The following SMAP1 variants were observed in gnomAD, a reference collection of about 807,000 sequenced individuals.
SMAP1 encodes the protein small ArfGAP 1, also known as stromal membrane-associated protein 1.
A neutral mutation model predicts 58.5 loss-of-function variants in SMAP1; 24 were observed. The ratio of observed to expected loss-of-function variants is 0.41; its 90% confidence interval spans 0.30 to 0.58. The LOEUF is 0.58. SMAP1 is among the 20% of genes least tolerant of loss of function. SMAP1 has a pLI of 0.29. For missense variants in SMAP1, 563 were observed against 566.3 expected, an observed-to-expected ratio of 0.99 and a Z score of 0.06; for synonymous variants, 216 against 196.6, an observed-to-expected ratio of 1.10 and a Z score of -0.82.
chr6:70,839,099 T>C lies in SMAP1; in HGVS notation c.664+2071T>C, dbSNP rs538648276. On this transcript the variant is annotated intron_variant, in intron 7 of 10. Transcript: ENST00000370455. The stretch of plus-strand genomic sequence containing the variant: ...AGATACTCCATTATTGTTGGAATAA[T>C]ACTGCATAGTAAATAAGCCTCAGGT... 2.6e-5 allele frequency among the ~76,000 whole-genome samples: 4 copies of C among 152,252 alleles called. No individual in the cohort carries two copies. In the South Asian group the frequency reaches 8.3e-4, roughly 32 times the overall value.
chr6:70,795,408 G>A (rs1768562308), intron 5 of SMAP1, among the ~76,000 whole-genome samples: 1 of 152,168 alleles, frequency 6.6e-6, no homozygotes, highest in African/African-American at 2.4e-5. Flanking sequence ...TCTGGAGGCT[G>A]GAAAGACAAA....
chr6:70,856,521 A>T (rs569312324), intron 8 of SMAP1, among the ~76,000 whole-genome samples: 1 of 152,368 alleles, frequency 6.6e-6, no homozygotes, highest in South Asian at 2.1e-4. Flanking sequence ...TTGAAGCAGT[A>T]GTTGCTATGG....
At chr6:70,758,425 A>G (rs995726560) in intron 3 of SMAP1, among the ~76,000 whole-genome samples, 1 of 150,274 alleles carries the variant, frequency 6.7e-6, no homozygotes, top group African/African-American at 2.4e-5. Flanking sequence ...ATGCTAGATG[A>G]CGAGTTAGTG....
intron 7 of SMAP1, among the ~76,000 whole-genome samples, chr6:70,845,069 AGAAG>A (rs1232474343): frequency 7.9e-5 from 12 of 152,216 alleles, no homozygotes; most frequent in Non-Finnish European, 1.6e-4. Flanking sequence ...TACTACAGGT[AGAAG>A]GTTCATGCTC....
intron 4 of SMAP1, among the ~76,000 whole-genome samples, chr6:70,787,238 C>G (rs1262321292): frequency 6.6e-6 from 1 of 152,180 alleles, no homozygotes; most frequent in Admixed American, 6.5e-5. Context: ...GGGAAACTGG[C>G]TAGCCATATG....
In SMAP1 at chr6:70,754,980, T is replaced by C. The variant is rs1766426812; in HGVS notation, c.253T>C (p.Cys85Arg). The C allele has an allele frequency of 6.2e-7, 1 of 1,603,104 alleles. No individual in the cohort carries two copies. The highest frequency in any genetic ancestry group is 8.5e-7 in the Non-Finnish European group (1 of 1,174,390). ...AATTAAAAAATTTTTTTTATTATAG[T>C]GCATGCAAGATATGGGAAATACTAA... is the stretch of plus-strand genomic sequence containing the variant. ...LDQWTAEQIQ[C>R]MQDMGNTKAR... Residue 85 changes from cysteine to arginine, a missense_variant and splice_region_variant, in exon 3 of 11, where the codon TGC becomes CGC. Transcript: ENST00000370455.
intron 6 of SMAP1, among the ~76,000 whole-genome samples, chr6:70,822,735 T>C (rs1307633573): frequency 6.6e-6 from 1 of 152,212 alleles, no homozygotes; most frequent in East Asian, 1.9e-4. Context: ...CAGATATTTC[T>C]TACGTTCAGT....
chr6:70,726,192 T>A (rs574488839), intron 1 of SMAP1, among the ~76,000 whole-genome samples: 33 of 152,336 alleles, frequency 2.2e-4, no homozygotes, highest in Non-Finnish European at 4.3e-4. Context: ...GGAAATATGA[T>A]GAATAATGTC....
chr6:70,723,523 T>C (rs926798372), intron 1 of SMAP1, among the ~76,000 whole-genome samples: 3 of 152,320 alleles, frequency 2.0e-5, no homozygotes, highest in African/African-American at 7.2e-5. Flanking sequence ...CCTGACCAAA[T>C]GATGACTACC....
intron 2 of SMAP1, among the ~76,000 whole-genome samples, chr6:70,741,902 G>C (rs1361307182): frequency 6.6e-6 from 1 of 152,192 alleles, no homozygotes; most frequent in East Asian, 1.9e-4. Context: ...GCCAACCCTT[G>C]GGGCTTACAC....
chr6:70,797,440 C>T (rs1177218728), intron 5 of SMAP1, among the ~76,000 whole-genome samples: 1 of 152,056 alleles, frequency 6.6e-6, no homozygotes, highest in African/African-American at 2.4e-5. Flanking sequence ...TCCCAAATAA[C>T]CTCATCCCTT....
At chr6:70,677,432 C>CTTT (rs58133069) in intron 1 of SMAP1, among the ~76,000 whole-genome samples, 3 of 60,424 alleles carry the variant, frequency 5.0e-5, no homozygotes, top group Non-Finnish European at 8.3e-5. Flanking sequence ...CTTGTCACTT[C>CTTT]TTTTTTTTTT....
intron 4 of SMAP1, among the ~76,000 whole-genome samples, chr6:70,779,345 G>A (rs1218238634): frequency 2.0e-5 from 3 of 152,216 alleles, no homozygotes; most frequent in African/African-American, 2.4e-5. Context: ...AGGGCTGGAT[G>A]TAGTCTAGTG....
chr6:70,765,625 G>C (rs1766938447), intron 3 of SMAP1, among the ~76,000 whole-genome samples: 1 of 152,014 alleles, frequency 6.6e-6, no homozygotes, highest in Non-Finnish European at 1.5e-5. Context: ...AATATGATGG[G>C]CTTCCTGAGG....
chr6:70,735,407 A>G (rs1765581405), intron 2 of SMAP1, among the ~76,000 whole-genome samples: 1 of 152,204 alleles, frequency 6.6e-6, no homozygotes, highest in Non-Finnish European at 1.5e-5. Context: ...TTTAATTCAG[A>G]TGGGCAAAAG....
At chr6:70,759,091 C>G (rs1248983217) in intron 3 of SMAP1, among the ~76,000 whole-genome samples, 1 of 151,960 alleles carries the variant, frequency 6.6e-6, no homozygotes, top group Non-Finnish European at 1.5e-5. Context: ...GGCAGCAGTT[C>G]TTTATTTTGC....
chr6:70,815,542 G>A (rs1401476761), intron 6 of SMAP1, among the ~76,000 whole-genome samples: 1 of 152,072 alleles, frequency 6.6e-6, no homozygotes, highest in Admixed American at 6.6e-5. Context: ...GGGGGAGTGG[G>A]GCAGATTGCC....
In SMAP1 at chr6:70,783,683, A is replaced by G. The variant is rs1582176268; in HGVS notation, c.415-8006A>G. 2.6e-5 allele frequency among the ~76,000 whole-genome samples: 4 copies of G among 152,344 alleles called. No individual in the cohort carries two copies. The Middle Eastern group carries it at 0.01, about 389-fold the overall frequency. The stretch of plus-strand genomic sequence containing the variant: ...GAAGCCTCAGGAGCCGATGCGATCA[A>G]CTGGAAGAAAGGGTATCAGTGATGG... On this transcript the variant is annotated intron_variant, in intron 4 of 10. Coordinates refer to ENST00000370455, the MANE Select transcript of SMAP1 (RefSeq NM_001044305.3).
At chr6:70,693,656 T>G (rs1362059371) in intron 1 of SMAP1, among the ~76,000 whole-genome samples, 1 of 152,098 alleles carries the variant, frequency 6.6e-6, no homozygotes, top group Non-Finnish European at 1.5e-5. Flanking sequence ...TTGGGTAGTG[T>G]GGACATTGTA....
Sources: allele counts gnomAD v4.1 joint callset (sites outside exome capture counted in the v4.1 genomes callset), GRCh38; gene constraint gnomAD v4.1.1; transcripts MANE v1.5; gene names NCBI Gene and HGNC (gene_info 2026-07-23, HGNC 2026-07-21).